C19orf81: variants seen among roughly 807,000 people sequenced by gnomAD.
C19orf81 encodes the protein putative uncharacterized protein C19orf81.
In C19orf81, 19 loss-of-function variants were observed where a neutral mutation model predicts 22.1. The observed-to-expected ratio is 0.86, with a 90% CI of 0.60 to 1.26. The LOEUF is 1.26. Among genes scored for constraint, C19orf81 ranks in the 50% most tolerant of loss-of-function variants. C19orf81 has a pLI of 0.00. For missense variants in C19orf81, 287 were observed against 280.7 expected (o/e 1.02, Z -0.16); for synonymous variants, 108 against 113.1 (o/e 0.95, Z 0.29).
intron 1 of C19orf81, among the ~76,000 whole-genome samples, chr19:50,654,288 C>G (rs1351184407): frequency 6.6e-6 from 1 of 151,546 alleles, no homozygotes. Flanking sequence ...CTCCATCTCT[C>G]TCTTTTCTTT....
intron 1 of C19orf81, 104 bp from the exon 2 acceptor site, chr19:50,655,946 G>A: frequency 9.3e-7 from 1 of 1,074,756 alleles, no homozygotes; most frequent in South Asian, 1.4e-5. Flanking sequence ...TGGCATACAA[G>A]CTATTCTGGG....
chr19:50,653,586 G>C (rs188736932), intron 1 of C19orf81, among the ~76,000 whole-genome samples: 185 of 152,056 alleles, frequency 1.2e-3, no homozygotes, highest in African/African-American at 4.3e-3. Context: ...GTGTGTGTGA[G>C]AGTGTGCAGG....
chr19:50,654,141 G>A (rs1163536212), intron 1 of C19orf81, among the ~76,000 whole-genome samples: 1 of 152,062 alleles, frequency 6.6e-6, no homozygotes, highest in Admixed American at 6.6e-5. Context: ...ACCAGGGCCG[G>A]GCTGTCAGTG....
At chr19:50,652,978 T>G (rs193208384) in intron 1 of C19orf81, among the ~76,000 whole-genome samples, 91 of 152,328 alleles carry the variant, frequency 6.0e-4, no homozygotes, top group African/African-American at 2.1e-3. Context: ...CATCATGTGT[T>G]AAACAACACT....
chr19:50,656,581 G>C (rs1023026889), intron 3 of C19orf81, among the ~76,000 whole-genome samples: 41 of 152,066 alleles, frequency 2.7e-4, no homozygotes, highest in Non-Finnish European at 4.6e-4. Flanking sequence ...GAGGCTGAGG[G>C]GGGCAGGGAG....
intron 3 of C19orf81, among the ~76,000 whole-genome samples, chr19:50,656,979 AGAAG>A (rs370262136): frequency 0.2 from 29,524 of 144,112 alleles, 3,460 homozygotes; most frequent in African/African-American, 0.3. Flanking sequence ...AAAGAAAGAA[AGAAG>A]GAAGGAAGGA....
At chr19:50,652,944 C>G (rs1984909160) in intron 1 of C19orf81, among the ~76,000 whole-genome samples, 1 of 152,232 alleles carries the variant, frequency 6.6e-6, no homozygotes, top group Non-Finnish European at 1.5e-5. Context: ...GGGCAAGTCA[C>G]TTAACCTCTC....
chr19:50,656,272 C>T lies in C19orf81; in HGVS notation c.187C>T (p.Arg63Ter), dbSNP rs908824661. 36 of 1,536,026 alleles carry T rather than the reference C, an allele frequency of 2.3e-5. No individual in the cohort carries two copies. The highest frequency in any genetic ancestry group is 1.7e-4 in the Middle Eastern group (1 of 6,012). The change falls in exon 3 of 5, where the codon CGA becomes TGA. Residue 63 changes from arginine to a stop codon, truncating the protein, a stop_gained. Transcript: ENST00000425202. LOFTEE classifies it high-confidence loss of function. ...QVIAEYEALDRELPCIRKFPT... is the reference protein window; with the variant it reads ...QVIAEYEALD ...CATTGCAGAGTACGAGGCACTGGAC[C>T]GAGAACTCCCGTGCATCCGGAAGTT...
intron 1 of C19orf81, among the ~76,000 whole-genome samples, chr19:50,650,929 C>T (rs150293899): frequency 1.2e-3 from 187 of 152,310 alleles, no homozygotes; most frequent in Non-Finnish European, 1.0e-3. Flanking sequence ...ATATGTAGCT[C>T]CAGAAAAGTC....
intron 1 of C19orf81, among the ~76,000 whole-genome samples, chr19:50,653,855 G>A (rs1000625630): frequency 6.6e-6 from 1 of 152,002 alleles, no homozygotes; most frequent in Non-Finnish European, 1.5e-5. Context: ...GAGACTGATG[G>A]AAAGCACAGG....
intron 1 of C19orf81, among the ~76,000 whole-genome samples, chr19:50,651,569 C>T (rs1599827429): frequency 6.6e-6 from 1 of 152,088 alleles, no homozygotes; most frequent in South Asian, 2.1e-4. Context: ...TCTGAGATGC[C>T]TGTTAAAAAA....
At chr19:50,653,196 C>A (rs183909743) in intron 1 of C19orf81, among the ~76,000 whole-genome samples, 8 of 152,152 alleles carry the variant, frequency 5.3e-5, no homozygotes, top group Admixed American at 2.0e-4. Context: ...CGCTACCATG[C>A]CCGCCTAATT....
intron 4 of C19orf81, chr19:50,658,645 G>C: frequency 2.9e-6 from 1 of 339,762 alleles, no homozygotes; most frequent in Non-Finnish European, 5.3e-6. Context: ...GTGGGGACAG[G>C]CCTGGAGTGC....
intron 1 of C19orf81, among the ~76,000 whole-genome samples, chr19:50,652,863 G>C (rs370459184): frequency 5.8e-4 from 89 of 152,188 alleles, no homozygotes; most frequent in African/African-American, 2.1e-3. Context: ...TGGGGAGATT[G>C]AGAACACGCA....
intron 1 of C19orf81, among the ~76,000 whole-genome samples, chr19:50,652,823 C>CAGGTGAGAGTG (rs1984905391): frequency 6.6e-6 from 1 of 151,996 alleles, no homozygotes; most frequent in Admixed American, 6.6e-5. Flanking sequence ...GTTAGGAGAC[C>CAGGTGAGAGTG]AGGTGAGAGT....
intron 1 of C19orf81, among the ~76,000 whole-genome samples, chr19:50,653,690 A>G (rs111426009): frequency 8.4e-4 from 20 of 23,926 alleles, no homozygotes; most frequent in African/African-American, 4.2e-3. Context: ...CAGCACACAC[A>G]CACACACACA....
intron 1 of C19orf81, among the ~76,000 whole-genome samples, chr19:50,651,632 G>A (rs760659965): frequency 5.2e-4 from 79 of 151,862 alleles, no homozygotes; most frequent in Non-Finnish European, 9.0e-4. Context: ...AAGCCCAGGA[G>A]TTCCTGGCTG....
intron 4 of C19orf81, chr19:50,658,663 A>C: frequency 2.8e-6 from 1 of 353,196 alleles, no homozygotes. Context: ...TGCCTAGGGT[A>C]GAGCGCAGCC....
At position 50,659,125 on chromosome 19, in the gene C19orf81, C is replaced by G. The variant is rs1243652325; in HGVS notation, c.580C>G (p.Pro194Ala). The G allele has an allele frequency of 1.4e-6, 2 of 1,424,344 alleles. No homozygotes were observed. Among genetic ancestry groups the G allele is most frequent in the East Asian group, 3.0e-5 (1 of 33,840 alleles). The allele number at this position is 1,424,344 out of a possible 1,614,324, so 88.2% of individuals were successfully genotyped here. A position where few individuals can be genotyped will look rare whatever the true frequency, so the allele number is the denominator to read the frequency against. ...RRMLEALGAE[P>A]NEEA ...CATGCTCGAGGCCCTGGGGGCGGAG[C>G]CGAACGAGGAGGCCTGACGCCCGGG... Residue 194 changes from proline to alanine, a missense_variant, in exon 5 of 5, where the codon CCG (proline) becomes GCG (alanine). Transcript: ENST00000425202.
Sources: gnomAD v4.1 joint callset for allele counts (sites outside exome capture counted in the v4.1 genomes callset) on GRCh38, gnomAD v4.1.1 for gene constraint, MANE v1.5 for transcripts, NCBI Gene and HGNC (gene_info 2026-07-23, HGNC 2026-07-21) for gene names.